CNIH3: variants seen among roughly 807,000 people sequenced by gnomAD.
The protein encoded by CNIH3 is protein cornichon homolog 3.
Under a neutral mutation model 24.1 loss-of-function variants are expected in CNIH3, and 14 were observed. The ratio of observed to expected loss-of-function variants is 0.58; its 90% CI spans 0.38 to 0.91. The LOEUF (loss-of-function observed/expected upper bound fraction) is 0.91, where lower values mean the gene tolerates loss of function less well. Among genes scored for constraint, CNIH3 ranks in the 40% least tolerant of loss-of-function variants. The pLI is 0.00. For synonymous variants in CNIH3, 68 were observed against 73.8 expected (o/e 0.92, Z 0.40); for missense variants, 178 against 196.8 (o/e 0.90, Z 0.57).
intron 1 of CNIH3, among the ~76,000 whole-genome samples, chr1:224,446,471 G>A (rs1172525692): frequency 6.6e-6 from 1 of 152,042 alleles, no homozygotes; most frequent in African/African-American, 2.4e-5. Context: ...GGTTTTCTGT[G>A]TAGAAGTCTT....
intron 3 of CNIH3, among the ~76,000 whole-genome samples, chr1:224,686,604 C>G (rs1253529454): frequency 6.6e-6 from 1 of 152,196 alleles, no homozygotes; most frequent in African/African-American, 2.4e-5. Flanking sequence ...TCAAATGGAT[C>G]AAGACAAAAC....
rs116805489 is a variant in CNIH3, at chr1:224,548,877, C to T, written n.450+1938C>T. Reference sequence around the variant, plus strand: ...TACCCTGGGACGTTATTCGTAGTATCCCAGGGAGATACTACTTGTAATATC... The same window carrying T: ...TACCCTGGGACGTTATTCGTAGTATTCCAGGGAGATACTACTTGTAATATC... On this transcript the variant is annotated intron_variant and non_coding_transcript_variant, in intron 3 of 5. Transcript: ENST00000471578. Among the ~76,000 whole-genome samples, 618 of 151,806 alleles carry T rather than the reference C, an allele frequency of 4.1e-3. 1 individual carries two copies. The highest frequency in any genetic ancestry group is 0.014 in the African/African-American group (583 of 41,422).
chr1:224,444,793 C>T (rs1675077739), intron 1 of CNIH3, among the ~76,000 whole-genome samples: 3 of 151,674 alleles, frequency 2.0e-5, no homozygotes, highest in East Asian at 3.9e-4. Context: ...TACAGGCGTG[C>T]GCCACCACGC....
intron 3 of CNIH3, among the ~76,000 whole-genome samples, chr1:224,722,045 C>T (rs1688751076): frequency 6.6e-6 from 1 of 151,588 alleles, no homozygotes; most frequent in South Asian, 2.1e-4. Flanking sequence ...ACTTGAGCCC[C>T]TGAAGCAGTA....
At chr1:224,452,397 A>C (rs12354311) in intron 1 of CNIH3, among the ~76,000 whole-genome samples, 39,889 of 151,656 alleles carry the variant, frequency 0.26, 5,597 homozygotes, top group Non-Finnish European at 0.31. Flanking sequence ...TGATCCACCC[A>C]CTTCAGCCTT....
intron 1 of CNIH3, among the ~76,000 whole-genome samples, chr1:224,496,385 T>A (rs1467171013): frequency 6.6e-6 from 1 of 152,212 alleles, no homozygotes; most frequent in Non-Finnish European, 1.5e-5. Flanking sequence ...TAACTAGTGT[T>A]GCTGATGACA....
At chr1:224,585,987 C>T (rs1259305057) in intron 5 of CNIH3, among the ~76,000 whole-genome samples, 1 of 152,184 alleles carries the variant, frequency 6.6e-6, no homozygotes. Flanking sequence ...ACACATTTTC[C>T]CCTACATGGC....
intron 3 of CNIH3, among the ~76,000 whole-genome samples, chr1:224,689,517 C>G (rs1686826429): frequency 6.6e-6 from 1 of 152,326 alleles, no homozygotes; most frequent in East Asian, 1.9e-4. Context: ...CCTCCTCCCT[C>G]CCGTCTCTCT....
intron 3 of CNIH3, among the ~76,000 whole-genome samples, chr1:224,601,731 T>A (rs1391637122): frequency 1.3e-5 from 2 of 152,224 alleles, no homozygotes; most frequent in Admixed American, 1.3e-4. Context: ...TTCTGTTGTT[T>A]AAGCCACCCA....
At chr1:224,640,445 G>T (rs528904750) in intron 1 of CNIH3, among the ~76,000 whole-genome samples, 1 of 152,246 alleles carries the variant, frequency 6.6e-6, no homozygotes, top group African/African-American at 2.4e-5. Flanking sequence ...GCTTAGAAAA[G>T]CCCTTTCTTT....
chr1:224,645,761 C>G (rs547540742), intron 1 of CNIH3, among the ~76,000 whole-genome samples: 91 of 152,348 alleles, frequency 6.0e-4, no homozygotes, highest in Non-Finnish European at 1.2e-3. Flanking sequence ...TCCACCACTC[C>G]CTACTGCCAT....
At chr1:224,461,679 A>G (rs1191921867) in intron 1 of CNIH3, among the ~76,000 whole-genome samples, 1 of 152,246 alleles carries the variant, frequency 6.6e-6, no homozygotes, top group Non-Finnish European at 1.5e-5. Context: ...CCCATTTAAA[A>G]TGGACACAAT....
intron 4 of CNIH3, among the ~76,000 whole-genome samples, chr1:224,569,845 G>A (rs1036523335): frequency 1.3e-4 from 20 of 151,836 alleles, no homozygotes; most frequent in African/African-American, 2.2e-4. Flanking sequence ...GTGCAATGGC[G>A]CGATCTCAGC....
intron 1 of CNIH3, among the ~76,000 whole-genome samples, chr1:224,634,440 G>A (rs147878690): frequency 0.011 from 1,678 of 152,108 alleles, 31 homozygotes; most frequent in African/African-American, 0.038. Flanking sequence ...ATGGTGGCAC[G>A]CGCCTGTAGT....
In CNIH3 at chr1:224,703,030, G is replaced by A. The variant is rs1449338090; in HGVS notation, c.198+18187G>A. 2.6e-5 allele frequency among the ~76,000 whole-genome samples: 4 copies of A among 152,162 alleles called. No individual in the cohort carries two copies. The highest frequency in any genetic ancestry group is 7.2e-5 in the African/African-American group (3 of 41,412). ...TGGAAACTCAGGAGGTGAGGTTAGG[G>A]CCTCAGCATTTTATAAATGCTGCCA... On this transcript the variant is annotated intron_variant, in intron 3 of 5. Transcript: ENST00000272133. This position sits in a 1 kb window ranked among gnomAD's most constrained non-coding sequence, Gnocchi z 4.2.
At chr1:224,456,398 C>T (rs1322688584) in intron 1 of CNIH3, among the ~76,000 whole-genome samples, 2 of 152,070 alleles carry the variant, frequency 1.3e-5, no homozygotes, top group Non-Finnish European at 2.9e-5. Flanking sequence ...GTAAAGATTC[C>T]CCTTTCTTTT....
intron 1 of CNIH3, among the ~76,000 whole-genome samples, chr1:224,669,960 C>A (rs959176482): frequency 2.0e-5 from 3 of 152,176 alleles, no homozygotes; most frequent in African/African-American, 4.8e-5. Context: ...CCCCCACCCC[C>A]ACACCCAACA....
chr1:224,570,986 T>C (rs1680794669), intron 4 of CNIH3, among the ~76,000 whole-genome samples: 1 of 152,190 alleles, frequency 6.6e-6, no homozygotes, highest in Non-Finnish European at 1.5e-5. Flanking sequence ...GGCAGCTTTG[T>C]CATAAATGTA....
intron 1 of CNIH3, among the ~76,000 whole-genome samples, chr1:224,499,100 G>A (rs552207837): frequency 5.8e-4 from 88 of 152,320 alleles, no homozygotes; most frequent in Non-Finnish European, 1.0e-3. Flanking sequence ...AAGACACTCC[G>A]TTAAAGCTTA....
Sources: gnomAD v4.1 joint callset for allele counts (sites outside exome capture counted in the v4.1 genomes callset) on GRCh38, gnomAD v4.1.1 for gene constraint, Gnocchi (gnomAD v3.1) non-coding constraint, MANE v1.5 for transcripts, NCBI Gene and HGNC (gene_info 2026-07-23, HGNC 2026-07-21) for gene names.